RUNX1: variants seen among roughly 807,000 people sequenced by gnomAD.
RUNX1 encodes the protein RUNX family transcription factor 1.
Under a neutral mutation model 42.8 loss-of-function variants are expected in RUNX1, and 19 were observed. The ratio of observed to expected loss-of-function variants is 0.44; its 90% CI spans 0.31 to 0.65. The LOEUF (loss-of-function observed/expected upper bound fraction) is 0.65. Ranked by LOEUF, RUNX1 falls within the 30% of genes least tolerant of loss-of-function variation. The probability of loss-of-function intolerance (pLI) is 0.07; values close to 1 mark genes in which losing one functional copy is unlikely to be tolerated. For synonymous variants in RUNX1, 271 were observed against 289.4 expected (o/e 0.94, Z 0.64); for missense variants, 528 against 672.0 (o/e 0.79, Z 2.37).
chr21:35,005,493 G>T (rs1417421375), intron 2 of RUNX1, among the ~76,000 whole-genome samples: 1 of 151,984 alleles, frequency 6.6e-6, no homozygotes, highest in Non-Finnish European at 1.5e-5. Flanking sequence ...TCATATTACA[G>T]CTTCTCTATT....
intron 2 of RUNX1, among the ~76,000 whole-genome samples, chr21:34,956,458 C>T (rs1388499155): frequency 6.6e-6 from 1 of 152,114 alleles, no homozygotes; most frequent in Non-Finnish European, 1.5e-5. Flanking sequence ...ATTTCAAGCT[C>T]CTTGGGTCTT....
intron 3 of RUNX1, chr21:34,888,312 G>A (rs1017480940): frequency 1.9e-6 from 2 of 1,067,428 alleles, no homozygotes; most frequent in Non-Finnish European, 1.1e-6. Flanking sequence ...GGGCGGCTCG[G>A]GTTACACACG....
chr21:34,864,014 C>T lies in RUNX1; in HGVS notation c.509-4436G>A, dbSNP rs192359367. Among the ~76,000 whole-genome samples, 357 of 152,268 alleles carry T rather than the reference C, an allele frequency of 2.3e-3. 7 individuals are homozygous for T. The highest frequency in any genetic ancestry group is 1.0e-3 in the Admixed American group (16 of 15,298). On this transcript the variant is annotated intron_variant, in intron 5 of 8. Coordinates refer to ENST00000675419, the MANE Select transcript of RUNX1 (RefSeq NM_001754.5). Reference sequence around the variant, plus strand: ...GTGTAGGTGACATTTTTCCACAGCACGAAAACTGCCTTACACGTCCTTTGT... The same window carrying T: ...GTGTAGGTGACATTTTTCCACAGCATGAAAACTGCCTTACACGTCCTTTGT...
At chr21:34,978,828 C>G (rs933594859) in intron 2 of RUNX1, among the ~76,000 whole-genome samples, 1 of 151,978 alleles carries the variant, frequency 6.6e-6, no homozygotes, top group African/African-American at 2.4e-5. Flanking sequence ...GCTTCTTTTT[C>G]TGATACTGAA....
intron 3 of RUNX1, chr21:34,889,781 T>C (rs1052405528): frequency 3.2e-5 from 37 of 1,142,616 alleles, no homozygotes; most frequent in Non-Finnish European, 3.6e-5. Context: ...CGGCGTGCGC[T>C]GCCAACTCCG....
chr21:34,834,235 G>T (rs756472359), intron 7 of RUNX1, 175 bp downstream of exon 7: 11 of 731,660 alleles, frequency 1.5e-5, no homozygotes, highest in South Asian at 5.9e-5. Flanking sequence ...GGTGGGTGGG[G>T]CCCAAGACTC....
chr21:34,886,727 G>A, intron 4 of RUNX1, 116 bp downstream of exon 4: 1 of 1,519,954 alleles, frequency 6.6e-7, no homozygotes. Flanking sequence ...CCGACCCGGG[G>A]CTGCGGGGGC....
intron 2 of RUNX1, among the ~76,000 whole-genome samples, chr21:34,915,217 A>G (rs75601634): frequency 0.047 from 7,158 of 152,312 alleles, 481 homozygotes; most frequent in African/African-American, 0.15. Flanking sequence ...TTAACATATT[A>G]TGCTATTTGA....
chr21:34,981,073 G>A (rs1046333893), intron 2 of RUNX1, among the ~76,000 whole-genome samples: 5 of 152,180 alleles, frequency 3.3e-5, no homozygotes, highest in African/African-American at 1.2e-4. Context: ...AAATTATTAA[G>A]AGGCTAAAAT....
At chr21:34,807,313 G>C (rs926712678) in intron 7 of RUNX1, among the ~76,000 whole-genome samples, 49 of 152,218 alleles carry the variant, frequency 3.2e-4, no homozygotes, top group African/African-American at 1.1e-3. Context: ...CTCAGAAGCT[G>C]GGTTTCCAAC....
intron 2 of RUNX1, among the ~76,000 whole-genome samples, chr21:35,015,219 C>A (rs1355799342): frequency 6.6e-6 from 1 of 152,204 alleles, no homozygotes; most frequent in Non-Finnish European, 1.5e-5. Context: ...ACGTGGGGAT[C>A]ATAATCCTAC....
In RUNX1 at chr21:34,916,755, A is replaced by G. The variant is rs949267658; in HGVS notation, c.59-23792T>C. 5.9e-5 allele frequency among the ~76,000 whole-genome samples: 9 copies of G among 152,142 alleles called. No homozygotes were observed. In the East Asian group the frequency reaches 1.7e-3, roughly 29 times the overall value. On this transcript the variant is annotated intron_variant, in intron 2 of 8. Coordinates refer to ENST00000675419, the MANE Select transcript of RUNX1 (RefSeq NM_001754.5). ...GGCACATGTTGGATGCAGCTGCGGG[A>G]CATATCAGCATGGGAAGAGAGGGCC...
intron 7 of RUNX1, among the ~76,000 whole-genome samples, chr21:34,818,615 G>A (rs1334489369): frequency 6.6e-6 from 1 of 152,204 alleles, no homozygotes; most frequent in East Asian, 1.9e-4. Context: ...AGCCAGCTCT[G>A]TGAGCCGAAA....
rs143222474 is a variant in RUNX1, at chr21:34,932,028, G to A, written c.59-39065C>T. Among the ~76,000 whole-genome samples, 1,048 of 152,190 alleles carry A rather than the reference G, an allele frequency of 6.9e-3. 12 individuals are homozygous for A. The highest frequency in any genetic ancestry group is 0.024 in the African/African-American group (1,000 of 41,512). On this transcript the variant is annotated intron_variant, in intron 2 of 8. Coordinates refer to ENST00000675419, the MANE Select transcript of RUNX1 (RefSeq NM_001754.5). ...TGGGGGAGGATAACCAATAAACTAG[G>A]AGCTTAAATAAGAAAAGGTAAGGAC...
intron 6 of RUNX1, among the ~76,000 whole-genome samples, chr21:34,858,806 G>A (rs1423687763): frequency 6.6e-6 from 1 of 152,150 alleles, no homozygotes; most frequent in African/African-American, 2.4e-5. Flanking sequence ...TTTACTCAAA[G>A]ATAGTCATTA....
chr21:34,857,251 A>C (rs1470650636), intron 6 of RUNX1, among the ~76,000 whole-genome samples: 1 of 152,190 alleles, frequency 6.6e-6, no homozygotes, highest in African/African-American at 2.4e-5. Flanking sequence ...GTCTGCTCAG[A>C]GGGTGCTTCT....
chr21:34,977,520 G>A (rs1159028383), intron 2 of RUNX1, among the ~76,000 whole-genome samples: 2 of 152,156 alleles, frequency 1.3e-5, no homozygotes, highest in Non-Finnish European at 2.9e-5. Flanking sequence ...ATAATTTGAT[G>A]GTTCATCATT....
chr21:34,891,017 A>G (rs1251492045), intron 3 of RUNX1, among the ~76,000 whole-genome samples: 1 of 151,770 alleles, frequency 6.6e-6, no homozygotes, highest in African/African-American at 2.4e-5. Flanking sequence ...TTTTGACTCC[A>G]GGGGAAATAG....
intron 5 of RUNX1, among the ~76,000 whole-genome samples, chr21:34,872,904 A>G (rs1007580936): frequency 5.3e-5 from 8 of 152,186 alleles, no homozygotes; most frequent in South Asian, 2.1e-4. Context: ...GGAAACACTG[A>G]GCAAGATTAT....
Sources: allele counts gnomAD v4.1 joint callset (sites outside exome capture counted in the v4.1 genomes callset), GRCh38; gene constraint gnomAD v4.1.1; transcripts MANE v1.5; gene names NCBI Gene and HGNC (gene_info 2026-07-23, HGNC 2026-07-21).